Variants in DCBLD2 observed in about 807,000 individuals in gnomAD.
The protein encoded by DCBLD2 is discoidin, CUB and LCCL domain containing 2.
A neutral mutation model predicts 86.8 loss-of-function variants in DCBLD2; 54 were observed. The ratio of observed to expected loss-of-function variants is 0.62; its 90% confidence interval spans 0.50 to 0.78. The LOEUF (loss-of-function observed/expected upper bound fraction) is 0.78. DCBLD2 is among the 30% of genes least tolerant of loss of function. The pLI is 0.00. For synonymous variants in DCBLD2, 354 were observed against 341.3 expected, an observed-to-expected ratio of 1.04 and a Z score of -0.41; for missense variants, 908 against 954.2, an observed-to-expected ratio of 0.95 and a Z score of 0.64.
At chr3:98,850,357 C>CA (rs1364288357) in intron 2 of DCBLD2, among the ~76,000 whole-genome samples, 1 of 152,046 alleles carries the variant, frequency 6.6e-6, no homozygotes, top group African/African-American at 2.4e-5. Context: ...AAATAAATCA[C>CA]AAAAAAATCT....
At chr3:98,858,823 C>T (rs1942985103) in intron 2 of DCBLD2, among the ~76,000 whole-genome samples, 1 of 152,288 alleles carries the variant, frequency 6.6e-6, no homozygotes, top group South Asian at 2.1e-4. Context: ...TGTTCTGGGT[C>T]CTCCGTTCCA....
intron 2 of DCBLD2, among the ~76,000 whole-genome samples, chr3:98,869,251 CTTTT>C (rs983509019): frequency 2.0e-5 from 3 of 152,138 alleles, no homozygotes; most frequent in African/African-American, 4.8e-5. Flanking sequence ...TGTGTATCTT[CTTTT>C]GAGAAATGTC....
chr3:98,882,069 G>A (rs1943481425), intron 1 of DCBLD2, among the ~76,000 whole-genome samples: 1 of 151,910 alleles, frequency 6.6e-6, no homozygotes, highest in Admixed American at 6.6e-5. Flanking sequence ...ATCCTGCAGT[G>A]GTAGATTCCT....
intron 3 of DCBLD2, among the ~76,000 whole-genome samples, chr3:98,839,134 TCCTTCCTTCCTTCTTTC>T (rs1942560865): frequency 3.0e-5 from 1 of 33,236 alleles, no homozygotes; most frequent in Non-Finnish European, 6.7e-5. Flanking sequence ...TTTCTTTCCT[TCCTTCCTTCCTTCTTTC>T]TTTCTTTCTT....
At chr3:98,873,840 C>T (rs1015994954) in intron 2 of DCBLD2, among the ~76,000 whole-genome samples, 1 of 151,760 alleles carries the variant, frequency 6.6e-6, no homozygotes, top group African/African-American at 2.4e-5. Context: ...ATGCCCCTAG[C>T]TAATTTAATG....
chr3:98,811,029 A>T (rs1418306687), intron 12 of DCBLD2, among the ~76,000 whole-genome samples, 165 bp downstream of exon 12: 1 of 152,224 alleles, frequency 6.6e-6, no homozygotes, highest in Non-Finnish European at 1.5e-5. Context: ...TACAACTTAG[A>T]TCAATGCAGT....
chr3:98,800,836 T>G, intron 14 of DCBLD2, 120 bp from the exon 15 acceptor site: 3 of 1,429,718 alleles, frequency 2.1e-6, no homozygotes, highest in Non-Finnish European at 2.8e-6. Context: ...CTCTACAAAC[T>G]TGCCTTTATA....
intron 3 of DCBLD2, 42 bp from the exon 4 acceptor site, chr3:98,825,408 G>C (rs372184378): frequency 2.6e-4 from 356 of 1,390,054 alleles, no homozygotes; most frequent in Non-Finnish European, 3.4e-4. Context: ...TTAATATACA[G>C]GATTACCTTG....
chr3:98,803,470 T>C (rs1406651298), intron 13 of DCBLD2, among the ~76,000 whole-genome samples: 3 of 152,238 alleles, frequency 2.0e-5, no homozygotes, highest in Non-Finnish European at 4.4e-5. Context: ...TTTCTAAATA[T>C]ACAATCATGT....
At chr3:98,889,774 G>C (rs1360799682) in intron 1 of DCBLD2, among the ~76,000 whole-genome samples, 1 of 151,982 alleles carries the variant, frequency 6.6e-6, no homozygotes, top group African/African-American at 2.4e-5. Flanking sequence ...TAATGAATGA[G>C]TTGAACAAAA....
At chr3:98,849,347 G>A in intron 3 of DCBLD2, 114 bp downstream of exon 3, 1 of 1,319,450 alleles carries the variant, frequency 7.6e-7, no homozygotes. Context: ...GCTATTAATT[G>A]TTCAGTCTTT....
chr3:98,818,490 G>T (rs116062963), intron 8 of DCBLD2, among the ~76,000 whole-genome samples: 2,039 of 152,220 alleles, frequency 0.013, 28 homozygotes, highest in South Asian at 0.075. Flanking sequence ...AAGCTATTAC[G>T]AATTAAATAC....
chr3:98,863,902 C>A (rs1576189422), intron 2 of DCBLD2, among the ~76,000 whole-genome samples: 2 of 152,224 alleles, frequency 1.3e-5, no homozygotes, highest in Admixed American at 1.3e-4. Context: ...AAAGAAACTA[C>A]CATCAGAGTG....
intron 1 of DCBLD2, among the ~76,000 whole-genome samples, chr3:98,898,707 G>T (rs1265210414): frequency 2.0e-5 from 3 of 152,074 alleles, no homozygotes; most frequent in Non-Finnish European, 2.9e-5. Context: ...AATATCAGTA[G>T]ACCCTAAAGA....
chr3:98,872,332 A>T (rs1026281204), intron 2 of DCBLD2, among the ~76,000 whole-genome samples: 1 of 152,142 alleles, frequency 6.6e-6, no homozygotes, highest in South Asian at 2.1e-4. Flanking sequence ...AGTTACCATG[A>T]CAGTGGGTTG....
intron 2 of DCBLD2, among the ~76,000 whole-genome samples, chr3:98,880,181 G>A (rs1943440438): frequency 6.6e-6 from 1 of 152,150 alleles, no homozygotes; most frequent in African/African-American, 2.4e-5. Context: ...CTGGGAGATA[G>A]GGCAGGAATT....
At chr3:98,836,623 G>T (rs1438901800) in intron 3 of DCBLD2, among the ~76,000 whole-genome samples, 6 of 133,994 alleles carry the variant, frequency 4.5e-5, no homozygotes, top group South Asian at 2.3e-4. Flanking sequence ...CCTCCCAGAC[G>T]GGGCGGCTGG....
rs1576150760 is a variant in DCBLD2, at chr3:98,799,327, G to A, written c.*45C>T. 2 of 1,252,852 alleles carry A rather than the reference G, an allele frequency of 1.6e-6. No homozygotes were observed. The highest frequency in any genetic ancestry group is 1.5e-5 in the South Asian group (1 of 66,940). The allele number at this position is 1,252,852 out of a possible 1,614,324, so 77.6% of individuals were successfully genotyped here. ...CTACCACTAATAATTAAAAAAAAAA[G>A]GCCATGTGCTTTAAAACGATGCTTT... On this transcript the variant is annotated 3_prime_UTR_variant, in exon 16 of 16. Coordinates refer to ENST00000326840, the MANE Select transcript of DCBLD2 (RefSeq NM_080927.4).
At position 98,820,464 on chromosome 3, in the gene DCBLD2, C is replaced by A. The variant is rs150091131; in HGVS notation, c.831-176G>T. On this transcript the variant is annotated intron_variant, in intron 6 of 15. Coordinates refer to ENST00000326840, the MANE Select transcript of DCBLD2 (RefSeq NM_080927.4). ...CTAGGAAAAAAGTCTCATTTCTAAGCAGGACAACTTCTGAAATCAGCATAA... is the reference window on the plus strand; with the variant it reads ...CTAGGAAAAAAGTCTCATTTCTAAGAAGGACAACTTCTGAAATCAGCATAA... Among the ~76,000 whole-genome samples the A allele has an allele frequency of 2.7e-3, 417 of 152,248 alleles. 2 individuals carry two copies. The highest frequency in any genetic ancestry group is 9.4e-3 in the African/African-American group (392 of 41,558).
Sources: allele counts gnomAD v4.1 joint callset (sites outside exome capture counted in the v4.1 genomes callset), GRCh38; gene constraint gnomAD v4.1.1; transcripts MANE v1.5; gene names NCBI Gene and HGNC (gene_info 2026-07-23, HGNC 2026-07-21).